ERN2: variants seen among roughly 807,000 people sequenced by gnomAD.
The protein encoded by ERN2 is serine/threonine-protein kinase/endoribonuclease IRE2.
ERN2 carries 111 observed loss-of-function variants against 107.9 expected under a neutral mutation model. That is an observed-to-expected ratio of 1.03 (90% CI 0.88 to 1.20). The LOEUF is 1.20. Among genes scored for constraint, ERN2 ranks in the 50% most tolerant of loss-of-function variants. ERN2 has a pLI of 0.00. For missense variants in ERN2, 1,225 were observed against 1,197.9 expected (o/e 1.02, Z -0.33); for synonymous variants, 524 against 501.7 (o/e 1.04, Z -0.59).
At chr16:23,712,977 G>A in intron 1 of ERN2, 118 bp downstream of exon 1, 2 of 757,768 alleles carry the variant, frequency 2.6e-6, no homozygotes, top group Non-Finnish European at 4.0e-6. Context: ...GACCACCCAG[G>A]CGTGAGGGAG....
chr16:23,710,019 G>T, intron 4 of ERN2, 153 bp downstream of exon 4: 1 of 616,672 alleles, frequency 1.6e-6, no homozygotes, highest in Non-Finnish European at 3.0e-6. Flanking sequence ...CTTTCAACAG[G>T]TCCCTCAGAC....
At position 23,690,654 on chromosome 16, in the gene ERN2, C is replaced by T; in HGVS notation, c.*177G>A. The T allele has an allele frequency of 1.6e-6, 1 of 611,672 alleles. No homozygotes were observed. Among genetic ancestry groups the T allele is most frequent in the South Asian group, 2.0e-5 (1 of 51,028 alleles). The allele number at this position is 611,672 out of a possible 1,614,324, so 37.9% of individuals were successfully genotyped here. A position where few individuals can be genotyped will look rare whatever the true frequency, so the allele number is the denominator to read the frequency against. On this transcript the variant is annotated 3_prime_UTR_variant, in exon 22 of 22. Transcript: ENST00000256797. ...AATTTTTTGTAGAAATGGGGTGTTG[C>T]CATGTTGGCCAGGCTGGTCTCGAAC...
intron 14 of ERN2, 53 bp downstream of exon 14, chr16:23,695,841 C>A (rs1959799202): frequency 2.1e-6 from 3 of 1,404,254 alleles, no homozygotes; most frequent in Admixed American, 3.4e-5. Flanking sequence ...GGGACAGTGC[C>A]CACGAGGGCT....
rs1424792602 is a variant in ERN2, at chr16:23,712,047, A to G, written c.94-1029T>C. 1.5e-5 allele frequency: 7 copies of G among 454,012 alleles called. No individual in the cohort carries two copies. In the Admixed American group the frequency reaches 1.7e-4, roughly 11 times the overall value. The allele number at this position is 454,012 out of a possible 1,614,324, so 28.1% of individuals were successfully genotyped here. On this transcript the variant is annotated intron_variant, in intron 1 of 21. Coordinates refer to ENST00000256797, the MANE Select transcript of ERN2 (RefSeq NM_033266.4). ...AGGGTGAGGCTGAGCTCCCAGCAGG[A>G]GGCCTAACATCCGGGTGGCCCAGCC... is the stretch of plus-strand genomic sequence containing the variant.
In ERN2 at chr16:23,695,932, G is replaced by A. The variant is rs767697702; in HGVS notation, c.1572C>T (p.Asp524=). The part of the protein sequence containing the change: ...VVGKISFNPK[D]VLGRGAGGTF... Reference sequence around the variant, plus strand: ...TCCCGCCTGCCCCGCGGCCCAGCACGTCCTTGGGATTGAAGGAAATCTTCC... The same window carrying A: ...TCCCGCCTGCCCCGCGGCCCAGCACATCCTTGGGATTGAAGGAAATCTTCC... Residue 524 remains aspartate (D), a synonymous_variant, in exon 14 of 22, where the codon GAC becomes GAT. Transcript: ENST00000256797. The A allele has an allele frequency of 1.3e-5, 21 of 1,614,034 alleles. No homozygotes were observed. In the East Asian group the frequency reaches 3.1e-4, roughly 24 times the overall value.
intron 8 of ERN2, 54 bp from the exon 9 acceptor site, chr16:23,702,756 T>C: frequency 6.8e-7 from 1 of 1,467,536 alleles, no homozygotes; most frequent in Non-Finnish European, 9.6e-7. Flanking sequence ...ATGGGTAGTT[T>C]CAGTTATCAA....
At position 23,691,404 on chromosome 16, in the gene ERN2, T is replaced by C; in HGVS notation, c.2398A>G (p.Lys800Glu). 6.3e-7 allele frequency: 1 copy of C among 1,599,354 alleles called. No homozygotes were observed. The highest frequency in any genetic ancestry group is 8.5e-7 in the Non-Finnish European group (1 of 1,179,652). ...ACCAGGGGCTCCTGCTCGGACTCCT[T>C]CTCCAGCCAGTCACTGACGTCCTGG... is the stretch of plus-strand genomic sequence containing the variant. The part of the protein sequence containing the change: ...FFQDVSDWLE[K>E]ESEQEPLVRA... The change falls in exon 20 of 22, where the codon AAG becomes GAG. Residue 800 changes from lysine to glutamate, a missense_variant. By Grantham distance (56) the Lys-to-Glu change is moderately conservative. Coordinates refer to ENST00000256797, the MANE Select transcript of ERN2 (RefSeq NM_033266.4).
intron 19 of ERN2, 88 bp from the exon 20 acceptor site, chr16:23,691,513 T>C: frequency 6.8e-7 from 1 of 1,467,552 alleles, no homozygotes; most frequent in South Asian, 1.3e-5. Flanking sequence ...TAGTTTAGGG[T>C]GACTGACAAG....
chr16:23,700,799 A>G, intron 12 of ERN2, 95 bp from the exon 13 acceptor site: 1 of 1,496,556 alleles, frequency 6.7e-7, no homozygotes, highest in Admixed American at 2.0e-5. Flanking sequence ...ACCAGACTGC[A>G]TGAACTTACA....
At position 23,702,373 on chromosome 16, in the gene ERN2, G is replaced by C. The variant is rs751670933; in HGVS notation, c.1081+17C>G. ...CTTTATCTTCATCTACTCCCAATTT[G>C]AGCCAGAGGATCTCACCAATGAGCA... On this transcript the variant is annotated intron_variant, in intron 10 of 21. Transcript: ENST00000256797. 21 of 1,611,386 alleles carry C rather than the reference G, an allele frequency of 1.3e-5. No individual in the cohort carries two copies. The South Asian group carries it at 2.3e-4, about 18-fold the overall frequency.
chr16:23,690,947 G>A lies in ERN2; in HGVS notation c.2665C>T (p.Leu889=). ...VQYFTNRFPR[L]LLHTHRAMRS... ...ATGGCTCGGTGCGTGTGGAGGAGCA[G>A]CCGTGGGAAGCGGTTTGTGAAGTAC... Residue 889 remains leucine, a synonymous_variant, in exon 22 of 22, where the codon CTG becomes TTG. Coordinates refer to ENST00000256797, the MANE Select transcript of ERN2 (RefSeq NM_033266.4). The A allele has an allele frequency of 6.2e-7, 1 of 1,614,138 alleles. No homozygotes were observed. Among genetic ancestry groups the A allele is most frequent in the East Asian group, 2.2e-5 (1 of 44,876 alleles).
chr16:23,706,675 T>G, intron 6 of ERN2, 79 bp downstream of exon 6: 1 of 1,006,532 alleles, frequency 9.9e-7, no homozygotes. Flanking sequence ...GAATTCAACT[T>G]GGTTAGCCAC....
At chr16:23,702,077 G>T in intron 11 of ERN2, 75 bp downstream of exon 11, 1 of 1,485,060 alleles carries the variant, frequency 6.7e-7, no homozygotes, top group South Asian at 1.3e-5. Context: ...AGCAGCCCGA[G>T]GAAAAGATCC....
intron 17 of ERN2, among the ~76,000 whole-genome samples, chr16:23,693,754 T>G (rs1788511754): frequency 6.6e-6 from 1 of 152,186 alleles, no homozygotes; most frequent in Non-Finnish European, 1.5e-5. Context: ...TTTGTGTGAT[T>G]GGCATCCATT....
chr16:23,694,285 C>A, intron 17 of ERN2, among the ~76,000 whole-genome samples: 1 of 152,214 alleles, frequency 6.6e-6, no homozygotes, highest in East Asian at 1.9e-4. Context: ...GCGTGAGCCA[C>A]CGCACCCGGC....
In ERN2 at chr16:23,706,877, G is replaced by C. The variant is rs780907078; in HGVS notation, c.380-16C>G. ...TGCTTCCGGCCTGTGGAGGTGGAAA[G>C]TGTGTTAGCTCTCAAGTTGGCATGG... On this transcript the variant is annotated splice_polypyrimidine_tract_variant and intron_variant, in intron 5 of 21. Coordinates refer to ENST00000256797, the MANE Select transcript of ERN2 (RefSeq NM_033266.4). 6.2e-7 allele frequency: 1 copy of C among 1,605,102 alleles called. No homozygotes were observed. Among genetic ancestry groups the C allele is most frequent in the Admixed American group, 1.7e-5 (1 of 59,956 alleles).
rs763474017 is a variant in ERN2 at position 23,711,026 on chromosome 16, G to C, written c.94-8C>G. 2 of 1,603,088 alleles carry C rather than the reference G, an allele frequency of 1.2e-6. No individual in the cohort carries two copies. Among genetic ancestry groups the C allele is most frequent in the African/African-American group, 2.7e-5 (2 of 74,710 alleles). On this transcript the variant is annotated splice_polypyrimidine_tract_variant and splice_region_variant and intron_variant, in intron 1 of 21. Coordinates refer to ENST00000256797, the MANE Select transcript of ERN2 (RefSeq NM_033266.4). Reference sequence around the variant, plus strand: ...TGGCCTGAGAGTATGAACCTGCAAGGGGGTAGAGACAAAGTCAGCTCTCTG... The same window carrying C: ...TGGCCTGAGAGTATGAACCTGCAAGCGGGTAGAGACAAAGTCAGCTCTCTG...
intron 1 of ERN2, chr16:23,712,077 C>T (rs962122318): frequency 8.8e-6 from 4 of 452,318 alleles, no homozygotes; most frequent in African/African-American, 4.0e-5. Flanking sequence ...CCAGCCGCAC[C>T]CCTACAAAGG....
At chr16:23,702,320 T>C in intron 10 of ERN2, 47 bp from the exon 11 acceptor site, 1 of 1,612,166 alleles carries the variant, frequency 6.2e-7, no homozygotes, top group Non-Finnish European at 8.5e-7. Context: ...ACCTTAGCTT[T>C]CCAGCTCAGA....
Sources: allele counts gnomAD v4.1 joint callset (sites outside exome capture counted in the v4.1 genomes callset), GRCh38; gene constraint gnomAD v4.1.1; transcripts MANE v1.5; gene names NCBI Gene and HGNC (gene_info 2026-07-23, HGNC 2026-07-21).